ANK2: variants seen among roughly 807,000 people sequenced by gnomAD.
ANK2 encodes ankyrin-2.
Under a neutral mutation model 360.5 loss-of-function variants are expected in ANK2, and 83 were observed. That is an observed-to-expected ratio of 0.23 (90% CI 0.19 to 0.28). The LOEUF (loss-of-function observed/expected upper bound fraction) is 0.28, where lower values mean the gene tolerates loss of function less well. Among genes scored for constraint, ANK2 ranks in the 10% least tolerant of loss-of-function variants. ANK2 has a pLI of 1.00. For synonymous variants in ANK2, 1,740 were observed against 1,759.5 expected (o/e 0.99, Z 0.28); for missense variants, 4,201 against 4,795.7 (o/e 0.88, Z 3.66).
chr4:112,755,394 A>G, the ANK2 span, among the ~76,000 whole-genome samples: 1 of 152,246 alleles, frequency 6.6e-6, no homozygotes, highest in Non-Finnish European at 1.5e-5. Flanking sequence ...TGTGTGAGCA[A>G]CAAGGCTGTT....
the ANK2 span, among the ~76,000 whole-genome samples, chr4:112,751,890 GGGAAACCCTTTTAGTGTAGCCT>G: frequency 3.3e-5 from 5 of 152,180 alleles, no homozygotes; most frequent in Admixed American, 6.6e-5. Flanking sequence ...CAGCACAGCT[GGGAAACCCTTTTAGTGTAGCCT>G]GTGAAATGTT....
chr4:112,935,120 A>AGTGTGTGTGT lies in ANK2; in HGVS notation c.21+30623_21+30632dup, dbSNP rs10601105. On this transcript the variant is annotated intron_variant, in intron 2 of 30. Transcript: ENST00000503271. The stretch of plus-strand genomic sequence containing the variant: ...AAGTGTAGGAACCGAAGTCAGAGAA[A>AGTGTGTGTGT]GTGTGTGTGTGTGTGTGTGTGTGTG... Among the ~76,000 whole-genome samples the AGTGTGTGTGT allele has an allele frequency of 6.8e-3, 1,011 of 148,842 alleles. 10 individuals carry two copies. Among genetic ancestry groups the AGTGTGTGTGT allele is most frequent in the African/African-American group, 0.015 (606 of 40,710 alleles).
chr4:112,909,655 G>A (rs943534927), intron 2 of ANK2, among the ~76,000 whole-genome samples: 4 of 152,076 alleles, frequency 2.6e-5, no homozygotes, highest in Non-Finnish European at 5.9e-5. Context: ...AAAGTAGCAC[G>A]GATTTTTCTG....
the ANK2 span, among the ~76,000 whole-genome samples, chr4:112,737,014 G>A: frequency 6.6e-6 from 1 of 152,182 alleles, no homozygotes; most frequent in African/African-American, 2.4e-5. Flanking sequence ...GTGTTTTTAA[G>A]ACCTTGGGCT....
intron 1 of ANK2, among the ~76,000 whole-genome samples, chr4:112,869,252 G>A (rs1414053248): frequency 1.3e-5 from 2 of 151,958 alleles, no homozygotes; most frequent in South Asian, 2.1e-4. Context: ...ACAGGCATGA[G>A]CCACCACACT....
intron 1 of ANK2, among the ~76,000 whole-genome samples, chr4:113,096,617 T>G (rs1045297110): frequency 6.6e-5 from 10 of 152,212 alleles, no homozygotes. Flanking sequence ...GGTCATCACA[T>G]AGTTACATGA....
intron 1 of ANK2, among the ~76,000 whole-genome samples, chr4:112,862,230 A>C (rs1433013775): frequency 6.6e-6 from 1 of 152,248 alleles, no homozygotes; most frequent in Non-Finnish European, 1.5e-5. Flanking sequence ...TAAAAATAGG[A>C]AGGAAGAGCT....
At chr4:113,036,749 A>G (rs966976530) in intron 2 of ANK2, among the ~76,000 whole-genome samples, 4 of 151,790 alleles carry the variant, frequency 2.6e-5, no homozygotes, top group Non-Finnish European at 4.4e-5. Context: ...TCTTGCAAGC[A>G]GAGGCACGGA....
the ANK2 span, among the ~76,000 whole-genome samples, chr4:112,764,430 G>C: frequency 6.6e-6 from 1 of 150,984 alleles, no homozygotes; most frequent in Non-Finnish European, 1.5e-5. Context: ...CTGCCTCCTG[G>C]GTTCAAATGA....
Position 113,214,240 on chromosome 4 carries a change from C to T in ANK2, c.384+15131C>T. 4 of 1,071,466 alleles carry T rather than the reference C, an allele frequency of 3.7e-6. 1 individual carries two copies. Among genetic ancestry groups the T allele is most frequent in the Non-Finnish European group, 5.6e-6 (4 of 709,762 alleles). 66.4% of individuals were successfully genotyped at this position (1,071,466 alleles called of 1,614,324 possible). The stretch of plus-strand genomic sequence containing the variant: ...TCGAAGACGCTCGCTTCAGAAATGT[C>T]CCTGACTGCTGCGGCCTCCACTATG... On this transcript the variant is annotated intron_variant, in intron 4 of 45. Transcript: ENST00000357077.
intron 42 of ANK2, among the ~76,000 whole-genome samples, chr4:113,369,298 C>T (rs1050048018): frequency 2.6e-5 from 4 of 152,186 alleles, no homozygotes; most frequent in African/African-American, 9.7e-5. Context: ...AGAATAATAA[C>T]ATCACTCTCT....
upstream of ANK2, among the ~76,000 whole-genome samples, chr4:113,045,567 C>T (rs1385723345): frequency 6.6e-6 from 1 of 152,138 alleles, no homozygotes; most frequent in Admixed American, 6.6e-5. Context: ...ATGAGAATCC[C>T]GTAAAGTCAC....
At position 113,330,322 on chromosome 4, in the gene ANK2, A is replaced by G; in HGVS notation, c.2977A>G (p.Ile993Val). The G allele has an allele frequency of 6.2e-7, 1 of 1,614,234 alleles. No individual in the cohort carries two copies. Among genetic ancestry groups the G allele is most frequent in the South Asian group, 1.1e-5 (1 of 91,088 alleles). ...CAGACACAATGGGCTCCGAATCATT[A>G]TTCCACCTCGGAAATGTACTGCTCC... ...GCRHNGLRII[I>V]PPRKCTAPTR... Residue 993 changes from isoleucine (I) to valine (V), a missense_variant, in exon 27 of 46, where the codon ATT (isoleucine) becomes GTT (valine). Around this residue, in one of 4 missense-constraint regions of ANK2, gnomAD observed 1,268 missense variants for 1,650.8 expected, o/e 0.77. Coordinates refer to ENST00000357077, the MANE Select transcript of ANK2 (RefSeq NM_001148.6).
At chr4:113,298,273 A>T (rs560929045) in intron 22 of ANK2, among the ~76,000 whole-genome samples, 1 of 152,330 alleles carries the variant, frequency 6.6e-6, no homozygotes, top group South Asian at 2.1e-4. Flanking sequence ...TTAAAGTTAT[A>T]TTAATATGTA....
chr4:112,843,117 C>T (rs1356944494), intron 1 of ANK2, among the ~76,000 whole-genome samples: 1 of 152,172 alleles, frequency 6.6e-6, no homozygotes, highest in Non-Finnish European at 1.5e-5. Flanking sequence ...GGATAACCTC[C>T]CCAACTCAAA....
chr4:112,864,841 G>A (rs2069683796), intron 1 of ANK2, among the ~76,000 whole-genome samples: 1 of 150,516 alleles, frequency 6.6e-6, no homozygotes, highest in Non-Finnish European at 1.5e-5. Flanking sequence ...GACCATCCTG[G>A]CTAACACGTT....
At chr4:113,039,443 C>G (rs187880076) in intron 2 of ANK2, among the ~76,000 whole-genome samples, 166 of 151,998 alleles carry the variant, frequency 1.1e-3, no homozygotes, top group Admixed American at 3.5e-3. Context: ...ACAACAATAA[C>G]AACAAAAAAT....
intron 23 of ANK2, among the ~76,000 whole-genome samples, chr4:113,307,002 A>G (rs1209145745): frequency 6.6e-6 from 1 of 152,218 alleles, no homozygotes; most frequent in African/African-American, 2.4e-5. Context: ...GTCTTCGCTG[A>G]CTTGGCTTCC....
In ANK2 at chr4:113,288,458, A is replaced by G. The variant is rs371787039; in HGVS notation, c.2249A>G (p.Gln750Arg). Residue 750 changes from glutamine to arginine, a missense_variant, in exon 20 of 46, where the codon CAG becomes CGG. Gln to Arg is a conservative substitution (Grantham distance 43). Transcript: ENST00000357077. ...NVKMVNFLLK[Q>R]GANVNAKTKN... ...AAAATGGTCAACTTTCTTCTGAAGC[A>G]GGGAGCAAATGTTAACGCAAAAACC... 148 of 1,613,968 alleles carry G rather than the reference A, an allele frequency of 9.2e-5. No individual in the cohort carries two copies. In the East Asian group the frequency reaches 1.7e-3, roughly 19 times the overall value.
Sources: gnomAD v4.1 joint callset for allele counts (sites outside exome capture counted in the v4.1 genomes callset) on GRCh38, gnomAD v4.1.1 for gene constraint, gnomAD v4.1.1 regional missense constraint, MANE v1.5 for transcripts, NCBI Gene and HGNC (gene_info 2026-07-23, HGNC 2026-07-21) for gene names.